Variants in HCRTR2 observed in about 807,000 individuals in gnomAD.
HCRTR2 encodes the protein orexin receptor type 2.
A neutral mutation model predicts 49.0 loss-of-function variants in HCRTR2; 22 were observed. The ratio of observed to expected loss-of-function variants is 0.45; its 90% confidence interval spans 0.32 to 0.64. HCRTR2 has a LOEUF of 0.64. Ranked by LOEUF, HCRTR2 falls within the 30% of genes least tolerant of loss-of-function variation. HCRTR2 has a pLI of 0.04. For synonymous variants in HCRTR2, 236 were observed against 205.3 expected (o/e 1.15, Z -1.28); for missense variants, 491 against 559.4 (o/e 0.88, Z 1.23).
chr6:55,245,504 T>TATATATATATATA (rs1562020390), intron 1 of HCRTR2, among the ~76,000 whole-genome samples: 6 of 106,766 alleles, frequency 5.6e-5, no homozygotes, highest in African/African-American at 2.0e-4. Context: ...TATATATATA[T>TATATATATATATA]ATCTTCCCCA....
At chr6:55,177,938 G>C (rs1396948214) in intron 1 of HCRTR2, among the ~76,000 whole-genome samples, 2 of 152,184 alleles carry the variant, frequency 1.3e-5, no homozygotes, top group Admixed American at 6.5e-5. Flanking sequence ...TTCTAAGGAA[G>C]GAGCATAGGG....
At chr6:55,211,161 C>T (rs983211267) in intron 1 of HCRTR2, among the ~76,000 whole-genome samples, 1 of 152,134 alleles carries the variant, frequency 6.6e-6, no homozygotes, top group Non-Finnish European at 1.5e-5. Flanking sequence ...TAAGCATACC[C>T]TATGATGTTT....
intron 1 of HCRTR2, among the ~76,000 whole-genome samples, chr6:55,109,051 C>T (rs981994387): frequency 6.6e-6 from 1 of 152,078 alleles, no homozygotes; most frequent in African/African-American, 2.4e-5. Flanking sequence ...GCTGAGGGAC[C>T]TGAAGATTGA....
intron 1 of HCRTR2, among the ~76,000 whole-genome samples, chr6:55,229,429 T>C (rs1766072417): frequency 6.6e-6 from 1 of 152,216 alleles, no homozygotes; most frequent in South Asian, 2.1e-4. Flanking sequence ...AATCAAAATG[T>C]TGAAGAGATA....
chr6:55,242,018 A>G (rs6930360), intron 1 of HCRTR2, among the ~76,000 whole-genome samples: 49,868 of 150,818 alleles, frequency 0.33, 8,797 homozygotes, highest in African/African-American at 0.45. Flanking sequence ...ACAGGCTCCC[A>G]CCACCAAGCC....
chr6:55,149,780 T>C (rs1480748853), intron 1 of HCRTR2, among the ~76,000 whole-genome samples: 2 of 152,072 alleles, frequency 1.3e-5, no homozygotes, highest in African/African-American at 4.8e-5. Context: ...CTGTATAAAA[T>C]GTGAAGACCT....
At chr6:55,200,235 TTGTGTGTGTGTGTGTGTGTG>T (rs34710192) in intron 1 of HCRTR2, among the ~76,000 whole-genome samples, 4 of 135,292 alleles carry the variant, frequency 3.0e-5, no homozygotes, top group South Asian at 2.6e-4. Context: ...GTTTGCTGTC[TTGTGTGTGTGTGTGTGTGTG>T]TGTGTGTGTG....
chr6:55,151,715 A>G (rs1224370937), intron 1 of HCRTR2, among the ~76,000 whole-genome samples: 2 of 151,938 alleles, frequency 1.3e-5, no homozygotes, highest in Non-Finnish European at 2.9e-5. Flanking sequence ...CTTTCCAGAA[A>G]GCTTTCAATT....
intron 1 of HCRTR2, among the ~76,000 whole-genome samples, chr6:55,198,350 C>T (rs1765454993): frequency 6.6e-6 from 1 of 152,132 alleles, no homozygotes. Flanking sequence ...AGCTCTAAAC[C>T]TAACCCCAAC....
chr6:55,132,739 C>T (rs9464195), intron 1 of HCRTR2, among the ~76,000 whole-genome samples: 1,705 of 110,576 alleles, frequency 0.015, 37 homozygotes, highest in African/African-American at 0.058. Flanking sequence ...ATACCTCTCC[C>T]TCTCTCTCTC....
At chr6:55,203,381 T>A (rs1381488018) in intron 1 of HCRTR2, among the ~76,000 whole-genome samples, 1 of 152,218 alleles carries the variant, frequency 6.6e-6, no homozygotes, top group Non-Finnish European at 1.5e-5. Context: ...TTGCTTTCTA[T>A]CTTTTTTATA....
intron 1 of HCRTR2, among the ~76,000 whole-genome samples, chr6:55,155,873 T>A (rs1434970926): frequency 1.3e-5 from 2 of 151,994 alleles, no homozygotes; most frequent in Non-Finnish European, 2.9e-5. Flanking sequence ...ATGAGAGAAA[T>A]ACCTAGATGA....
chr6:55,185,854 T>A (rs147820324), intron 1 of HCRTR2, among the ~76,000 whole-genome samples: 1 of 152,360 alleles, frequency 6.6e-6, no homozygotes, highest in East Asian at 1.9e-4. Context: ...TCCTTGACAA[T>A]CTTTCTGTAA....
chr6:55,233,295 T>G (rs1461051894), intron 1 of HCRTR2, among the ~76,000 whole-genome samples: 1 of 152,102 alleles, frequency 6.6e-6, no homozygotes, highest in Non-Finnish European at 1.5e-5. Context: ...TTTACCATGT[T>G]GGCCAGGCTG....
At chr6:55,130,100 T>A (rs527709470) in intron 1 of HCRTR2, among the ~76,000 whole-genome samples, 1 of 151,950 alleles carries the variant, frequency 6.6e-6, no homozygotes, top group Non-Finnish European at 1.5e-5. Flanking sequence ...TTCCCTCATC[T>A]GTCAGTACTT....
chr6:55,208,385 G>A (rs766664289), intron 1 of HCRTR2, among the ~76,000 whole-genome samples: 1 of 151,312 alleles, frequency 6.6e-6, no homozygotes, highest in South Asian at 2.1e-4. Context: ...CCAGCTACTC[G>A]GGAGGCTGAG....
At chr6:55,182,754 T>C (rs932313316) in intron 1 of HCRTR2, among the ~76,000 whole-genome samples, 1 of 152,238 alleles carries the variant, frequency 6.6e-6, no homozygotes, top group Non-Finnish European at 1.5e-5. Flanking sequence ...AGTTGTGAAC[T>C]AGAAGAAGTA....
At chr6:55,118,897 CA>C (rs200699130) in intron 1 of HCRTR2, among the ~76,000 whole-genome samples, 5,023 of 151,932 alleles carry the variant, frequency 0.033, 284 homozygotes, top group African/African-American at 0.11. Context: ...ATCAACCCGT[CA>C]CCTACATTAG....
chr6:55,112,763 T>C (rs4644066), intron 1 of HCRTR2, among the ~76,000 whole-genome samples: 141,211 of 152,046 alleles, frequency 0.93, 65,906 homozygotes, highest in Non-Finnish European at 0.97. Context: ...ATACTATCAT[T>C]ATTCTTCACA....
Sources: allele counts gnomAD v4.1 joint callset (sites outside exome capture counted in the v4.1 genomes callset), GRCh38; gene constraint gnomAD v4.1.1; transcripts MANE v1.5; gene names NCBI Gene and HGNC (gene_info 2026-07-23, HGNC 2026-07-21).